The following CKAP2L variants were observed in gnomAD, a reference collection of about 807,000 sequenced individuals.
The protein encoded by CKAP2L is cytoskeleton associated protein 2L, also known as cytoskeleton-associated protein 2-like.
Under a neutral mutation model 65.7 loss-of-function variants are expected in CKAP2L, and 42 were observed. The ratio of observed to expected loss-of-function variants is 0.64; its 90% confidence interval spans 0.50 to 0.83. The LOEUF (loss-of-function observed/expected upper bound fraction) is 0.83, where lower values mean the gene tolerates loss of function less well. Among genes scored for constraint, CKAP2L ranks in the 40% least tolerant of loss-of-function variants. The pLI is 0.00. For synonymous variants in CKAP2L, 325 were observed against 313.5 expected, an observed-to-expected ratio of 1.04 and a Z score of -0.39; for missense variants, 908 against 871.0, an observed-to-expected ratio of 1.04 and a Z score of -0.53.
At chr2:112,743,680 C>T (rs1033036806) in intron 6 of CKAP2L, among the ~76,000 whole-genome samples, 2 of 152,092 alleles carry the variant, frequency 1.3e-5, no homozygotes, top group African/African-American at 2.4e-5. Flanking sequence ...TCAAGTGATC[C>T]GCCTGCCTCA....
In CKAP2L at chr2:112,760,657, T is replaced by C. The variant is rs111306614; in HGVS notation, c.156+56A>G. 55 of 846,570 alleles carry C rather than the reference T, an allele frequency of 6.5e-5. 4 individuals are homozygous for C. The highest frequency in any genetic ancestry group is 4.5e-4 in the African/African-American group (25 of 55,872). 52.4% of individuals were successfully genotyped at this position (846,570 alleles called of 1,614,324 possible). On this transcript the variant is annotated intron_variant, in intron 3 of 8. Coordinates refer to ENST00000302450, the MANE Select transcript of CKAP2L (RefSeq NM_152515.5). The stretch of plus-strand genomic sequence containing the variant: ...TAGGTTGCTAACATCTTTATTATTT[T>C]TATTACTAATCATACTTATGAATGC...
intron 8 of CKAP2L, among the ~76,000 whole-genome samples, chr2:112,740,080 C>G (rs1271446742): frequency 7.2e-5 from 11 of 152,162 alleles, no homozygotes; most frequent in Non-Finnish European, 1.6e-4. Context: ...TTTGTGAATT[C>G]TAGAGCCATT....
intron 6 of CKAP2L, among the ~76,000 whole-genome samples, chr2:112,744,552 C>CT (rs1680139935): frequency 6.6e-6 from 1 of 152,174 alleles, no homozygotes. Flanking sequence ...CTGCAAGTCT[C>CT]TGAGGGATAT....
intron 7 of CKAP2L, among the ~76,000 whole-genome samples, chr2:112,741,415 C>T (rs1679954480): frequency 6.6e-6 from 1 of 152,190 alleles, no homozygotes; most frequent in African/African-American, 2.4e-5. Flanking sequence ...TCCCATTCCT[C>T]CCCAGGATGA....
At chr2:112,764,125 G>C (rs1680819140) in intron 1 of CKAP2L, 1 of 228,438 alleles carries the variant, frequency 4.4e-6, no homozygotes, top group Non-Finnish European at 9.0e-6. Flanking sequence ...TGTGGAGTGA[G>C]AGCCCCGCCA....
chr2:112,762,353 C>T, intron 2 of CKAP2L, 150 bp downstream of exon 2: 1 of 640,402 alleles, frequency 1.6e-6, no homozygotes. Flanking sequence ...TTTTGTCATG[C>T]CTGGACTGAA....
rs1680161398 is a variant in CKAP2L, at chr2:112,745,027, A to C, written c.1758+1393T>G. Among the ~76,000 whole-genome samples, 9 of 152,342 alleles carry C rather than the reference A, an allele frequency of 5.9e-5. No homozygotes were observed. The South Asian group carries it at 1.9e-3, about 32-fold the overall frequency. ...AAAACTAATATGGGTTCTAAAAACAAGGGATCCACCCAACTTAAGAAGGAT... is the reference window on the plus strand; with the variant it reads ...AAAACTAATATGGGTTCTAAAAACACGGGATCCACCCAACTTAAGAAGGAT... On this transcript the variant is annotated intron_variant, in intron 6 of 8. Transcript: ENST00000302450.
In CKAP2L at chr2:112,756,151, T is replaced by C. The variant is rs773759749; in HGVS notation, c.1220A>G (p.Asn407Ser). 1 of 1,614,152 alleles carries C rather than the reference T, an allele frequency of 6.2e-7. No homozygotes were observed. The highest frequency in any genetic ancestry group is 1.1e-5 in the South Asian group (1 of 91,068). Residue 407 changes from asparagine (N) to serine (S), a missense_variant, in exon 4 of 9, where the codon AAC (asparagine) becomes AGC (serine). Asn to Ser is a conservative substitution (Grantham distance 46). Coordinates refer to ENST00000302450, the MANE Select transcript of CKAP2L (RefSeq NM_152515.5). ...RPNGTSGNKH[N>S]NNGFQQKAQT... ...TGCTTTTTGCTGAAAGCCATTATTG[T>C]TATGTTTATTACCACTGGTTCCATT...
rs1384631401 is a variant in CKAP2L at position 112,746,440 on chromosome 2, C to G, written c.1738G>C (p.Ala580Pro). Residue 580 changes from alanine to proline, a missense_variant, in exon 6 of 9, where the codon GCC (alanine) becomes CCC (proline). Coordinates refer to ENST00000302450, the MANE Select transcript of CKAP2L (RefSeq NM_152515.5). ...CTCACTGTTGCCCCATTTTTAATGG[C>G]CTCTTCATATAGCCCAATAACATCA... is the stretch of plus-strand genomic sequence containing the variant. ...TFDVIGLYEE[A>P]IKNGATPIQE... 1 of 1,611,220 alleles carries G rather than the reference C, an allele frequency of 6.2e-7. No homozygotes were observed. Among genetic ancestry groups the G allele is most frequent in the Non-Finnish European group, 8.5e-7 (1 of 1,178,040 alleles).
intron 5 of CKAP2L, among the ~76,000 whole-genome samples, chr2:112,751,113 T>G (rs775100457): frequency 3.2e-4 from 48 of 152,152 alleles, no homozygotes; most frequent in Non-Finnish European, 6.0e-4. Context: ...AGAAACACGG[T>G]CCAGATGATT....
Position 112,756,656 on chromosome 2 carries a change from CT to C in CKAP2L, c.714del (p.Asp239IlefsTer18). ...GKSSVNSAVL[K>X]DRVNKQFVGE... ...CCAACAAATTGTTTATTAACCCTATCTTTCAGAACAGCACTATTAACTGAAC... is the reference window on the plus strand; with the variant it reads ...CCAACAAATTGTTTATTAACCCTATCTTCAGAACAGCACTATTAACTGAAC... On this transcript the variant is annotated frameshift_variant, in exon 4 of 9. Coordinates refer to ENST00000302450, the MANE Select transcript of CKAP2L (RefSeq NM_152515.5). LOFTEE classifies it high-confidence loss of function. 6.2e-7 allele frequency: 1 copy of C among 1,604,864 alleles called. No homozygotes were observed. The highest frequency in any genetic ancestry group is 8.5e-7 in the Non-Finnish European group (1 of 1,176,904).
chr2:112,738,732 T>C lies in CKAP2L; in HGVS notation c.*91A>G. ...GAGCGTCCATAATCTGCATCCATGATGCCTCTCTTTTTTTCCAGGTCACTT... is the reference window on the plus strand; with the variant it reads ...GAGCGTCCATAATCTGCATCCATGACGCCTCTCTTTTTTTCCAGGTCACTT... On this transcript the variant is annotated 3_prime_UTR_variant, in exon 9 of 9. Transcript: ENST00000302450. 1.2e-6 allele frequency: 1 copy of C among 812,480 alleles called. No individual in the cohort carries two copies. The highest frequency in any genetic ancestry group is 2.3e-5 in the Admixed American group (1 of 43,950). 50.3% of individuals were successfully genotyped at this position (812,480 alleles called of 1,614,324 possible). A position where few individuals can be genotyped will look rare whatever the true frequency, so the allele number is the denominator to read the frequency against.
In CKAP2L at chr2:112,757,082, T is replaced by C. The variant is rs753753487; in HGVS notation, c.289A>G (p.Lys97Glu). Residue 97 changes from lysine to glutamate, a missense_variant, in exon 4 of 9, where the codon AAA becomes GAA. By Grantham distance (56) the Lys-to-Glu change is moderately conservative. Transcript: ENST00000302450. ...GSQKPKLEPP[K>E]LLGKRLTSEC... ...GAAGTCAGCCTTTTGCCCAGAAGTT[T>C]TGGTGGCTCCAACTTCGGCTTCTGG... 6.2e-7 allele frequency: 1 copy of C among 1,614,178 alleles called. No homozygotes were observed.
Position 112,756,516 on chromosome 2 carries a change from G to C in CKAP2L, c.855C>G (p.Thr285=). Residue 285 remains threonine, a synonymous_variant, in exon 4 of 9, where the codon ACC becomes ACG. Coordinates refer to ENST00000302450, the MANE Select transcript of CKAP2L (RefSeq NM_152515.5). ...TCTTTGATGACTGAACTTTACTAAG[G>C]GTCCGAATAAAGTGAGAGGGAACCG... The part of the protein sequence containing the change: ...SRTVPSHFIR[T]LSKVQSSKKP... 3 of 1,609,492 alleles carry C rather than the reference G, an allele frequency of 1.9e-6. No homozygotes were observed. The highest frequency in any genetic ancestry group is 2.5e-6 in the Non-Finnish European group (3 of 1,178,170).
chr2:112,760,908 A>G, intron 2 of CKAP2L, 144 bp from the exon 3 acceptor site: 2 of 592,744 alleles, frequency 3.4e-6, no homozygotes, highest in South Asian at 4.0e-5. Context: ...TATATTTAAT[A>G]AAGTCTCCTT....
rs1246698520 is a variant in CKAP2L at position 112,738,132 on chromosome 2, GCCC to G, written c.*688_*690del. 6.6e-6 allele frequency: 1 copy of G among 151,626 alleles called. No individual in the cohort carries two copies. The allele number at this position is 151,626 out of a possible 1,614,324, so 9.4% of individuals were successfully genotyped here. A position where few individuals can be genotyped will look rare whatever the true frequency, so the allele number is the denominator to read the frequency against. On this transcript the variant is annotated 3_prime_UTR_variant, in exon 9 of 9. Coordinates refer to ENST00000302450, the MANE Select transcript of CKAP2L (RefSeq NM_152515.5). ...TGTCCACTCCCCACCCCTCTCCCCT[GCCC>G]CCCTTTTGTTACTTGAAGTGTTTCT...
intron 3 of CKAP2L, among the ~76,000 whole-genome samples, chr2:112,758,070 G>A (rs1382641877): frequency 1.3e-5 from 2 of 152,206 alleles, no homozygotes; most frequent in Non-Finnish European, 2.9e-5. Flanking sequence ...TGCTGCCACA[G>A]CTCTCAATAA....
chr2:112,755,279 C>T (rs1680495108), intron 4 of CKAP2L, among the ~76,000 whole-genome samples: 1 of 152,142 alleles, frequency 6.6e-6, no homozygotes, highest in South Asian at 2.1e-4. Flanking sequence ...ATTAACCAAC[C>T]TGAGATCTTG....
intron 3 of CKAP2L, among the ~76,000 whole-genome samples, chr2:112,757,436 C>G (rs1268959177): frequency 5.6e-5 from 7 of 123,982 alleles, no homozygotes; most frequent in Non-Finnish European, 6.3e-5. Flanking sequence ...GTCACCCAGT[C>G]TGGTGTGCAG....
Sources: allele counts gnomAD v4.1 joint callset (sites outside exome capture counted in the v4.1 genomes callset), GRCh38; gene constraint gnomAD v4.1.1; transcripts MANE v1.5; gene names NCBI Gene and HGNC (gene_info 2026-07-23, HGNC 2026-07-21).